MAP3K4: variants seen among roughly 807,000 people sequenced by gnomAD.
The protein encoded by MAP3K4 is MAP three kinase 1.
In MAP3K4, 67 loss-of-function variants were observed where a neutral mutation model predicts 185.6. The observed-to-expected ratio is 0.36, with a 90% CI of 0.30 to 0.44. The LOEUF is 0.44. MAP3K4 is among the 20% of genes least tolerant of loss of function. The pLI, the probability that MAP3K4 is intolerant of heterozygous loss-of-function variation, is 1.00. For synonymous variants in MAP3K4, 702 were observed against 710.4 expected, an observed-to-expected ratio of 0.99 and a Z score of 0.19; for missense variants, 1,551 against 1,995.1, an observed-to-expected ratio of 0.78 and a Z score of 4.24.
chr6:161,043,307 T>C lies in MAP3K4; in HGVS notation c.344-5309T>C, dbSNP rs117194025. ...GTCTCTTCTTTGCTGGCTTCAGATA[T>C]GCTCTTGCCTTCTTTACTTCCCTTA... On this transcript the variant is annotated intron_variant, in intron 2 of 26. Coordinates refer to ENST00000392142, the MANE Select transcript of MAP3K4 (RefSeq NM_005922.4). This position sits in a 1 kb window ranked among gnomAD's most constrained non-coding sequence, Gnocchi z 4.3. Among the ~76,000 whole-genome samples the C allele has an allele frequency of 1.3e-3, 205 of 152,374 alleles. 2 individuals are homozygous for C. In the East Asian group the frequency reaches 0.037, roughly 28 times the overall value.
At chr6:161,092,173 G>T (rs529414842) in intron 13 of MAP3K4, 30 bp downstream of exon 13, 1 of 1,612,460 alleles carries the variant, frequency 6.2e-7, no homozygotes, top group East Asian at 2.2e-5. Flanking sequence ...TTTCTGAAAT[G>T]TGTCATGTGG....
At chr6:161,047,502 T>C (rs1250059043) in intron 2 of MAP3K4, among the ~76,000 whole-genome samples, 1 of 152,136 alleles carries the variant, frequency 6.6e-6, no homozygotes, top group East Asian at 1.9e-4. Context: ...GATGTTAATG[T>C]ATGAAAAAAT....
At chr6:161,072,603 C>T (rs191168951) in intron 4 of MAP3K4, among the ~76,000 whole-genome samples, 1 of 152,158 alleles carries the variant, frequency 6.6e-6, no homozygotes, top group African/African-American at 2.4e-5. Flanking sequence ...GATTATTTCT[C>T]GAGTGTAAAA....
At chr6:161,002,062 T>G (rs1388274465) in intron 1 of MAP3K4, among the ~76,000 whole-genome samples, 4 of 151,306 alleles carry the variant, frequency 2.6e-5, no homozygotes, top group African/African-American at 9.7e-5. Flanking sequence ...TTTTTTTTTT[T>G]TTTTTTTTTG....
intron 2 of MAP3K4, among the ~76,000 whole-genome samples, chr6:161,039,547 G>A (rs997214973): frequency 2.0e-5 from 3 of 152,114 alleles, no homozygotes; most frequent in South Asian, 2.1e-4. Flanking sequence ...CCTAATTGTG[G>A]TGCATATGTG....
chr6:161,041,806 T>C (rs1783465976), intron 2 of MAP3K4, among the ~76,000 whole-genome samples: 1 of 151,966 alleles, frequency 6.6e-6, no homozygotes, highest in East Asian at 1.9e-4. Context: ...GTATCTCCAC[T>C]TCAGGTGTGG....
intron 1 of MAP3K4, among the ~76,000 whole-genome samples, chr6:161,029,885 TTTGC>T (rs1583136464): frequency 6.6e-6 from 1 of 152,194 alleles, no homozygotes; most frequent in South Asian, 2.1e-4. Flanking sequence ...AGAATAAAAC[TTTGC>T]TTGATTTCTT....
At position 161,067,363 on chromosome 6, in the gene MAP3K4, G is replaced by A. The variant is rs967232421; in HGVS notation, c.1708-3245G>A. 3 of 339,444 alleles carry A rather than the reference G, an allele frequency of 8.8e-6. No individual in the cohort carries two copies. Among genetic ancestry groups the A allele is most frequent in the Non-Finnish European group, 1.8e-5 (3 of 165,562 alleles). The allele number at this position is 339,444 out of a possible 1,614,324, so 21.0% of individuals were successfully genotyped here. On this transcript the variant is annotated intron_variant, in intron 3 of 26. Coordinates refer to ENST00000392142, the MANE Select transcript of MAP3K4 (RefSeq NM_005922.4). This position sits in a 1 kb window ranked among gnomAD's most constrained non-coding sequence, Gnocchi z 6.3. ...TTAGCTTCCTTATGCATCGATCTCA[G>A]TGAGCAGAGGGAACAGGATGGGAGG...
In MAP3K4 at chr6:161,098,230, C is replaced by G; in HGVS notation, c.3525-48C>G. On this transcript the variant is annotated intron_variant, in intron 16 of 26. Coordinates refer to ENST00000392142, the MANE Select transcript of MAP3K4 (RefSeq NM_005922.4). This position sits in a 1 kb window ranked among gnomAD's most constrained non-coding sequence, Gnocchi z 4.4. Reference sequence around the variant, plus strand: ...TTTAATTGAAAACAATTTTCAAGTCCGTTCCCTCTTCTCACATGTGTTCCT... The same window carrying G: ...TTTAATTGAAAACAATTTTCAAGTCGGTTCCCTCTTCTCACATGTGTTCCT... The G allele has an allele frequency of 6.6e-7, 1 of 1,522,708 alleles. No homozygotes were observed. Among genetic ancestry groups the G allele is most frequent in the Non-Finnish European group, 8.9e-7 (1 of 1,129,116 alleles). The allele number at this position is 1,522,708 out of a possible 1,614,324, so 94.3% of individuals were successfully genotyped here. A position where few individuals can be genotyped will look rare whatever the true frequency, so the allele number is the denominator to read the frequency against.
At position 161,063,859 on chromosome 6, in the gene MAP3K4, C is replaced by T. The variant is rs79330473; in HGVS notation, c.1708-6749C>T. Among the ~76,000 whole-genome samples the T allele has an allele frequency of 6.6e-6, 1 of 152,170 alleles. No homozygotes were observed. Among genetic ancestry groups the T allele is most frequent in the Non-Finnish European group, 1.5e-5 (1 of 68,032 alleles). On this transcript the variant is annotated intron_variant, in intron 3 of 26. Transcript: ENST00000392142. The surrounding 1 kb of genome is among the most constrained non-coding windows in gnomAD (Gnocchi z 5.4). ...GACTTGGGAATTGCCTCTTTACGCC[C>T]TTCAGACACCCTGTTAATTTCCTCT... is the stretch of plus-strand genomic sequence containing the variant.
At position 161,073,716 on chromosome 6, in the gene MAP3K4, C is replaced by A; in HGVS notation, c.2097+104C>A. ...TGCAAACAGCGTTGGCATACATATTCAGATAAACTTCTCTAGTAATGAATT... is the reference window on the plus strand; with the variant it reads ...TGCAAACAGCGTTGGCATACATATTAAGATAAACTTCTCTAGTAATGAATT... On this transcript the variant is annotated intron_variant, in intron 5 of 26. Coordinates refer to ENST00000392142, the MANE Select transcript of MAP3K4 (RefSeq NM_005922.4). The surrounding 1 kb of genome is among the most constrained non-coding windows in gnomAD (Gnocchi z 4.2). 8.6e-7 allele frequency: 1 copy of A among 1,160,300 alleles called. No homozygotes were observed. The highest frequency in any genetic ancestry group is 1.7e-5 in the South Asian group (1 of 60,344). 71.9% of individuals were successfully genotyped at this position (1,160,300 alleles called of 1,614,324 possible). A position where few individuals can be genotyped will look rare whatever the true frequency, so the allele number is the denominator to read the frequency against.
chr6:161,069,012 A>G (rs1023131823), intron 3 of MAP3K4, among the ~76,000 whole-genome samples: 18 of 152,252 alleles, frequency 1.2e-4, no homozygotes, highest in African/African-American at 4.3e-4. Flanking sequence ...GTCCAGAAGG[A>G]GAGACCAACA....
chr6:161,117,021 C>G lies in MAP3K4; in HGVS notation c.*151C>G, dbSNP rs1778614468. On this transcript the variant is annotated 3_prime_UTR_variant, in exon 27 of 27. Transcript: ENST00000392142. ...ACAAGCGTCACTTCTCCTGCTGCTC[C>G]TGTTTGTCTGATGTGGCAAAAGGCC... The G allele has an allele frequency of 1.4e-6, 1 of 713,550 alleles. No individual in the cohort carries two copies. The allele number at this position is 713,550 out of a possible 1,614,324, so 44.2% of individuals were successfully genotyped here. A position where few individuals can be genotyped will look rare whatever the true frequency, so the allele number is the denominator to read the frequency against.
chr6:161,052,045 G>A lies in MAP3K4; in HGVS notation c.1707+2066G>A, dbSNP rs79645625. ...GCATATCCCAGGGTTTCAGAGGGCC[G>A]ACTGTATAACCTCACCTCTAATTCA... is the stretch of plus-strand genomic sequence containing the variant. On this transcript the variant is annotated intron_variant, in intron 3 of 26. Transcript: ENST00000392142. 1.3e-3 allele frequency among the ~76,000 whole-genome samples: 195 copies of A among 152,136 alleles called. 3 individuals carry two copies. In the East Asian group the frequency reaches 0.033, roughly 26 times the overall value.
At chr6:161,065,533 T>G (rs1357301193) in intron 3 of MAP3K4, among the ~76,000 whole-genome samples, 1 of 152,218 alleles carries the variant, frequency 6.6e-6, no homozygotes, top group Non-Finnish European at 1.5e-5. Context: ...CGAATTGTAG[T>G]CAGTAACCAA....
At chr6:161,050,685 T>C (rs2114765658) in intron 3 of MAP3K4, among the ~76,000 whole-genome samples, 1 of 152,332 alleles carries the variant, frequency 6.6e-6, no homozygotes, top group East Asian at 1.9e-4. Flanking sequence ...TTCCTTATTG[T>C]AAAGGGTGGT....
At chr6:161,011,094 A>C (rs1350369035) in intron 1 of MAP3K4, among the ~76,000 whole-genome samples, 2 of 152,228 alleles carry the variant, frequency 1.3e-5, no homozygotes, top group Non-Finnish European at 2.9e-5. Flanking sequence ...AGGGACTACA[A>C]AGAAAGAGAA....
At chr6:161,052,681 T>C (rs1163545277) in intron 3 of MAP3K4, among the ~76,000 whole-genome samples, 2 of 152,166 alleles carry the variant, frequency 1.3e-5, no homozygotes, top group African/African-American at 4.8e-5. Context: ...AAGTAAGATT[T>C]TATTTTTATT....
rs779324058 is a variant in MAP3K4 at position 161,110,969 on chromosome 6, T to C, written c.4397-867T>C. 6.6e-6 allele frequency among the ~76,000 whole-genome samples: 1 copy of C among 152,192 alleles called. No individual in the cohort carries two copies. Among genetic ancestry groups the C allele is most frequent in the Non-Finnish European group, 1.5e-5 (1 of 68,028 alleles). ...GTTCCGTGGCAGGAAGAGACTCCCT[T>C]AGAATCTGAAGCAGGTCAGCTCACT... On this transcript the variant is annotated intron_variant, in intron 23 of 26. Coordinates refer to ENST00000392142, the MANE Select transcript of MAP3K4 (RefSeq NM_005922.4). The surrounding 1 kb of genome is among the most constrained non-coding windows in gnomAD (Gnocchi z 4.8).
Sources: gnomAD v4.1 joint callset for allele counts (sites outside exome capture counted in the v4.1 genomes callset) on GRCh38, gnomAD v4.1.1 for gene constraint, Gnocchi (gnomAD v3.1) non-coding constraint, MANE v1.5 for transcripts, NCBI Gene and HGNC (gene_info 2026-07-23, HGNC 2026-07-21) for gene names.